CLEC2L: variants seen among roughly 807,000 people sequenced by gnomAD.
CLEC2L encodes C-type lectin domain family 2 member L.
CLEC2L carries 14 observed loss-of-function variants against 23.6 expected under a neutral mutation model. The observed-to-expected ratio is 0.59, with a 90% confidence interval of 0.39 to 0.93. The LOEUF is 0.93. CLEC2L is among the 40% of genes least tolerant of loss of function. The pLI is 0.00. For missense variants in CLEC2L, 264 were observed against 282.4 expected (o/e 0.93, Z 0.47); for synonymous variants, 114 against 121.3 (o/e 0.94, Z 0.40).
Position 139,523,915 on chromosome 7 carries a change from C to G in CLEC2L, c.-13C>G. On this transcript the variant is annotated 5_prime_UTR_variant, in exon 1 of 5. Transcript: ENST00000422142. The surrounding 1 kb of genome is among the most constrained non-coding windows in gnomAD (Gnocchi z 4.1). Reference sequence around the variant, plus strand: ...GTGCAGGAGCGCGGGCGCGGCGCGGCGGAGCGCCCCGCATGGAGCCGGCCC... The same window carrying G: ...GTGCAGGAGCGCGGGCGCGGCGCGGGGGAGCGCCCCGCATGGAGCCGGCCC... 1 of 977,140 alleles carries G rather than the reference C, an allele frequency of 1.0e-6. No individual in the cohort carries two copies. The highest frequency in any genetic ancestry group is 1.2e-6 in the Non-Finnish European group (1 of 826,002). 60.5% of individuals were successfully genotyped at this position (977,140 alleles called of 1,614,324 possible). A position where few individuals can be genotyped will look rare whatever the true frequency, so the allele number is the denominator to read the frequency against.
At chr7:139,530,001 G>A (rs892353773) in intron 1 of CLEC2L, among the ~76,000 whole-genome samples, 6 of 150,192 alleles carry the variant, frequency 4.0e-5, no homozygotes, top group Admixed American at 6.6e-5. Context: ...CTGGGAGGTG[G>A]ATGTTGCAGT....
chr7:139,534,407 G>A, intron 1 of CLEC2L: 3 of 916,636 alleles, frequency 3.3e-6, no homozygotes, highest in Non-Finnish European at 5.5e-6. Flanking sequence ...ACATCAGTCA[G>A]TTGTTTGATT....
chr7:139,542,420 G>T (rs1197625796), intron 4 of CLEC2L, among the ~76,000 whole-genome samples: 2 of 152,198 alleles, frequency 1.3e-5, no homozygotes, highest in Non-Finnish European at 2.9e-5. Context: ...GGCGCTTGTC[G>T]GCTCCACTCA....
Position 139,540,563 on chromosome 7 carries a change from C to A in CLEC2L, c.432+76C>A. On this transcript the variant is annotated intron_variant, in intron 3 of 4. Coordinates refer to ENST00000422142, the MANE Select transcript of CLEC2L (RefSeq NM_001080511.4). The surrounding 1 kb of genome is among the most constrained non-coding windows in gnomAD (Gnocchi z 5.8). Reference sequence around the variant, plus strand: ...CAACCTTGACTCTAGGGGACAGCCACACAGTAAAGGATGCAGTGTTCCCTG... The same window carrying A: ...CAACCTTGACTCTAGGGGACAGCCAAACAGTAAAGGATGCAGTGTTCCCTG... The A allele has an allele frequency of 6.7e-7, 1 of 1,495,186 alleles. No individual in the cohort carries two copies. Among genetic ancestry groups the A allele is most frequent in the African/African-American group, 1.4e-5 (1 of 71,930 alleles). 92.6% of individuals were successfully genotyped at this position (1,495,186 alleles called of 1,614,324 possible). A position where few individuals can be genotyped will look rare whatever the true frequency, so the allele number is the denominator to read the frequency against.
intron 1 of CLEC2L, among the ~76,000 whole-genome samples, chr7:139,525,231 G>T (rs1186952203): frequency 6.6e-6 from 1 of 151,922 alleles, no homozygotes; most frequent in Non-Finnish European, 1.5e-5. Context: ...GTGGCCCAGA[G>T]GGGTGGGACC....
intron 1 of CLEC2L, among the ~76,000 whole-genome samples, chr7:139,533,244 A>G (rs966080198): frequency 2.0e-5 from 3 of 152,360 alleles, no homozygotes; most frequent in East Asian, 3.9e-4. Flanking sequence ...AACAGAAAAA[A>G]ATCTAGAAGT....
chr7:139,534,211 G>C (rs1214755560), intron 1 of CLEC2L: 2 of 813,594 alleles, frequency 2.5e-6, no homozygotes, highest in Admixed American at 3.5e-5. Flanking sequence ...CGGTGGTGTC[G>C]GCAGCGGCTG....
At chr7:139,532,553 T>C (rs1797595428) in intron 1 of CLEC2L, among the ~76,000 whole-genome samples, 1 of 152,206 alleles carries the variant, frequency 6.6e-6, no homozygotes, top group Non-Finnish European at 1.5e-5. Context: ...ATGGGTGTTA[T>C]GGCCTGCACG....
chr7:139,525,032 T>G (rs555496236), intron 1 of CLEC2L, among the ~76,000 whole-genome samples: 1 of 151,986 alleles, frequency 6.6e-6, no homozygotes. Flanking sequence ...CCAGGCCAGG[T>G]GGTCAGAGCT....
chr7:139,542,098 C>T lies in CLEC2L; in HGVS notation c.510C>T (p.Asn170=), dbSNP rs1028768406. ...RRVGDEFHWV[N]GDPFDPDTFT... is the part of the protein sequence containing the mutation. The stretch of plus-strand genomic sequence containing the variant: ...TTGGGGACGAATTCCACTGGGTCAA[C>T]GGGGACCCGTTTGATCCGGACACGT... Residue 170 remains asparagine, a synonymous_variant, in exon 4 of 5, where the codon AAC becomes AAT. Transcript: ENST00000422142. The T allele has an allele frequency of 3.7e-6, 6 of 1,611,888 alleles. No homozygotes were observed. Among genetic ancestry groups the T allele is most frequent in the Admixed American group, 3.3e-5 (2 of 59,798 alleles).
intron 2 of CLEC2L, 120 bp downstream of exon 2, chr7:139,536,468 T>A: frequency 3.7e-6 from 3 of 811,140 alleles, no homozygotes; most frequent in African/African-American, 1.7e-5. Context: ...ACTAAATAAG[T>A]AGAAAATACA....
chr7:139,543,484 GC>G (rs1232707420), intron 4 of CLEC2L, among the ~76,000 whole-genome samples: 1 of 152,198 alleles, frequency 6.6e-6, no homozygotes, highest in African/African-American at 2.4e-5. Flanking sequence ...TCCTTCCAAT[GC>G]CCTCTGTTGT....
chr7:139,537,217 G>C (rs1010150500), intron 2 of CLEC2L, among the ~76,000 whole-genome samples: 2 of 152,160 alleles, frequency 1.3e-5, no homozygotes, highest in Non-Finnish European at 2.9e-5. Context: ...TTAGGAGGTA[G>C]AGAGTGCTAG....
chr7:139,532,216 A>G (rs1366880530), intron 1 of CLEC2L, among the ~76,000 whole-genome samples: 2 of 152,238 alleles, frequency 1.3e-5, no homozygotes, highest in South Asian at 4.1e-4. Flanking sequence ...TATAATACTC[A>G]GTCCTCTGAG....
At position 139,542,124 on chromosome 7, in the gene CLEC2L, G is replaced by C; in HGVS notation, c.533+3G>C. 6.2e-7 allele frequency: 1 copy of C among 1,601,348 alleles called. No homozygotes were observed. Among genetic ancestry groups the C allele is most frequent in the Non-Finnish European group, 8.5e-7 (1 of 1,172,472 alleles). ...GGGGACCCGTTTGATCCGGACACGT[G>C]AGCTGAGGCTTCATCTTCTGGCTAC... On this transcript the variant is annotated splice_donor_region_variant and intron_variant, in intron 4 of 4. Coordinates refer to ENST00000422142, the MANE Select transcript of CLEC2L (RefSeq NM_001080511.4).
rs1569425050 is a variant in CLEC2L, at chr7:139,524,132, G to T, written c.190+15G>T. ...GGCCTTGGAGGGTAAGCGCGGAGCG[G>T]CCTCCCTCTCCTGGCCCAGGGACCC... On this transcript the variant is annotated intron_variant, in intron 1 of 4. Transcript: ENST00000422142. 1 of 1,221,768 alleles carries T rather than the reference G, an allele frequency of 8.2e-7. No homozygotes were observed. Among genetic ancestry groups the T allele is most frequent in the Non-Finnish European group, 1.0e-6 (1 of 979,152 alleles). The allele number at this position is 1,221,768 out of a possible 1,614,324, so 75.7% of individuals were successfully genotyped here. A position where few individuals can be genotyped will look rare whatever the true frequency, so the allele number is the denominator to read the frequency against.
chr7:139,536,234 G>T, intron 1 of CLEC2L, 40 bp from the exon 2 acceptor site: 1 of 1,504,570 alleles, frequency 6.6e-7, no homozygotes, highest in South Asian at 1.2e-5. Flanking sequence ...CTGGCGGTGG[G>T]ATGGGCGGTG....
Position 139,544,563 on chromosome 7 carries a change from A to G in CLEC2L, c.*221A>G. On this transcript the variant is annotated 3_prime_UTR_variant, in exon 5 of 5. Transcript: ENST00000422142. ...TCGTGTGGCTCAGCAGTTAAATCCCATATGCTAGGTAGTGTAGGCATCTGC... is the reference window on the plus strand; with the variant it reads ...TCGTGTGGCTCAGCAGTTAAATCCCGTATGCTAGGTAGTGTAGGCATCTGC... 3.5e-6 allele frequency: 2 copies of G among 578,196 alleles called. No homozygotes were observed. Among genetic ancestry groups the G allele is most frequent in the Non-Finnish European group, 6.2e-6 (2 of 323,384 alleles). The allele number at this position is 578,196 out of a possible 1,614,324, so 35.8% of individuals were successfully genotyped here.
At chr7:139,535,902 C>T (rs764071617) in intron 1 of CLEC2L, among the ~76,000 whole-genome samples, 8 of 152,238 alleles carry the variant, frequency 5.3e-5, no homozygotes, top group Non-Finnish European at 1.2e-4. Flanking sequence ...CAGTGGGTAG[C>T]CCCCCGGCAG....
Sources: gnomAD v4.1 joint callset for allele counts (sites outside exome capture counted in the v4.1 genomes callset) on GRCh38, gnomAD v4.1.1 for gene constraint, Gnocchi (gnomAD v3.1) non-coding constraint, MANE v1.5 for transcripts, NCBI Gene and HGNC (gene_info 2026-07-23, HGNC 2026-07-21) for gene names.